Variants in SLC5A4 observed in about 807,000 individuals in gnomAD.
The protein encoded by SLC5A4 is solute carrier family 5 member 4, also known as probable glucose sensor protein SLC5A4.
In SLC5A4, 55 loss-of-function variants were observed where a neutral mutation model predicts 70.3. The ratio of observed to expected loss-of-function variants is 0.78; its 90% CI spans 0.63 to 0.98. The LOEUF (loss-of-function observed/expected upper bound fraction) is 0.98, where lower values mean the gene tolerates loss of function less well. Among genes scored for constraint, SLC5A4 ranks in the 50% least tolerant of loss-of-function variants. The probability of loss-of-function intolerance (pLI) is 0.00; values close to 1 mark genes in which losing one functional copy is unlikely to be tolerated. For synonymous variants in SLC5A4, 268 were observed against 305.7 expected (o/e 0.88, Z 1.29); for missense variants, 735 against 839.2 (o/e 0.88, Z 1.53).
the SLC5A4 span, among the ~76,000 whole-genome samples, chr22:32,338,136 T>C: frequency 6.6e-6 from 1 of 152,194 alleles, no homozygotes; most frequent in Non-Finnish European, 1.5e-5. Flanking sequence ...TTCTACAAAT[T>C]TGACTTGATT....
chr22:32,244,604 C>G (rs1926716136), intron 5 of SLC5A4, among the ~76,000 whole-genome samples: 2 of 152,196 alleles, frequency 1.3e-5, no homozygotes, highest in South Asian at 4.1e-4. Context: ...ATGATCTTAG[C>G]TCATTATAAC....
the SLC5A4 span, chr22:32,327,362 C>T: frequency 1.3e-5 from 2 of 152,306 alleles, no homozygotes; most frequent in Non-Finnish European, 2.9e-5. Context: ...GCTTCCTGGC[C>T]AGAGTGCTCT....
chr22:32,333,006 G>C, the SLC5A4 span, among the ~76,000 whole-genome samples: 161 of 152,312 alleles, frequency 1.1e-3, no homozygotes, highest in African/African-American at 3.7e-3. Flanking sequence ...CCATTAGCCA[G>C]ATAGAAAGTC....
the SLC5A4 span, among the ~76,000 whole-genome samples, chr22:32,349,255 G>A: frequency 6.6e-6 from 1 of 152,232 alleles, no homozygotes; most frequent in Admixed American, 6.5e-5. Context: ...TTACAGGCGT[G>A]AGCCACTGCG....
upstream of SLC5A4, among the ~76,000 whole-genome samples, chr22:32,258,643 A>G (rs981029908): frequency 6.6e-6 from 1 of 152,194 alleles, no homozygotes; most frequent in East Asian, 1.9e-4. Context: ...TGAGGGTGCA[A>G]AATGGTGCAG....
At chr22:32,256,101 G>C (rs956412754), upstream of SLC5A4, among the ~76,000 whole-genome samples, 3 of 152,192 alleles carry the variant, frequency 2.0e-5, no homozygotes, top group South Asian at 6.2e-4. Flanking sequence ...AGCATCACTT[G>C]AGGCCAGGAG....
At chr22:32,333,800 G>C in the SLC5A4 span, among the ~76,000 whole-genome samples, 1 of 147,610 alleles carries the variant, frequency 6.8e-6, no homozygotes, top group Non-Finnish European at 1.5e-5. Context: ...ATGCCACACA[G>C]ATCCACACAA....
At chr22:32,302,261 T>TTTTG in the SLC5A4 span, among the ~76,000 whole-genome samples, 2 of 149,882 alleles carry the variant, frequency 1.3e-5, no homozygotes, top group African/African-American at 4.9e-5. Flanking sequence ...TTTTTTTTTT[T>TTTTG]TGTGTCTAGC....
chr22:32,336,795 G>T, the SLC5A4 span, among the ~76,000 whole-genome samples: 1 of 152,238 alleles, frequency 6.6e-6, no homozygotes, highest in East Asian at 1.9e-4. Flanking sequence ...GGCAGGGTCA[G>T]AATGGATTTT....
chr22:32,304,140 C>T, the SLC5A4 span, among the ~76,000 whole-genome samples: 2 of 151,774 alleles, frequency 1.3e-5, no homozygotes, highest in Non-Finnish European at 2.9e-5. Flanking sequence ...CTTTTCCTTT[C>T]TTTTTTTTGA....
chr22:32,323,825 GC>G, the SLC5A4 span, among the ~76,000 whole-genome samples: 1 of 152,214 alleles, frequency 6.6e-6, no homozygotes, highest in Non-Finnish European at 1.5e-5. Context: ...GGACTTCCTG[GC>G]CCATGGTGGC....
the SLC5A4 span, among the ~76,000 whole-genome samples, chr22:32,308,623 T>C: frequency 2.8e-4 from 42 of 152,330 alleles, no homozygotes; most frequent in Middle Eastern, 6.8e-3. Context: ...CAAGTCCTTC[T>C]CTTCAGCTCT....
the SLC5A4 span, chr22:32,271,583 G>A: frequency 1.9e-5 from 13 of 699,166 alleles, no homozygotes; most frequent in African/African-American, 3.5e-5. Context: ...GGGCCGCGTG[G>A]CGTGTTTCCA....
At chr22:32,239,568 ATTTATATATATATTTATATATATAT>A (rs1569374990) in intron 5 of SLC5A4, among the ~76,000 whole-genome samples, 21 of 26,474 alleles carry the variant, frequency 7.9e-4, no homozygotes, top group African/African-American at 3.3e-3. Flanking sequence ...ATATATATAT[ATTTATATATATATTTATATATATAT>A]AAATTATATA....
the SLC5A4 span, among the ~76,000 whole-genome samples, chr22:32,282,275 A>C: frequency 6.6e-6 from 1 of 152,116 alleles, no homozygotes; most frequent in South Asian, 2.1e-4. Flanking sequence ...TGAAGTCAGC[A>C]GTGACCCCCA....
the SLC5A4 span, among the ~76,000 whole-genome samples, chr22:32,306,477 A>C: frequency 3.5e-5 from 5 of 141,722 alleles, no homozygotes; most frequent in South Asian, 2.2e-4. Flanking sequence ...AAAAAAAAAA[A>C]CAAAAACTAC....
the SLC5A4 span, chr22:32,269,349 T>C: frequency 2.4e-5 from 8 of 340,088 alleles, no homozygotes; most frequent in Non-Finnish European, 2.8e-5. This position sits in a 1 kb window ranked among gnomAD's most constrained non-coding sequence, Gnocchi z 4.1. Flanking sequence ...CGTATTTTGA[T>C]TCCATAGGAG....
the SLC5A4 span, among the ~76,000 whole-genome samples, chr22:32,319,973 C>G: frequency 6.6e-6 from 1 of 152,080 alleles, no homozygotes; most frequent in African/African-American, 2.4e-5. Flanking sequence ...CTCAACTCTA[C>G]AGAAACCAGG....
At chr22:32,319,264 G>C in the SLC5A4 span, among the ~76,000 whole-genome samples, 1 of 151,932 alleles carries the variant, frequency 6.6e-6, no homozygotes, top group East Asian at 1.9e-4. Flanking sequence ...GGTTCTCCTG[G>C]GACTCAGGCC....
Sources: gnomAD v4.1 joint callset for allele counts (sites outside exome capture counted in the v4.1 genomes callset) on GRCh38, gnomAD v4.1.1 for gene constraint, Gnocchi (gnomAD v3.1) non-coding constraint, MANE v1.5 for transcripts, NCBI Gene and HGNC (gene_info 2026-07-23, HGNC 2026-07-21) for gene names.